The following IRAG1 variants were observed in gnomAD, a reference collection of about 807,000 sequenced individuals.
The protein encoded by IRAG1 is inositol 1,4,5-triphosphate receptor associated 1, also known as IP3R-associated cGMP kinase substrate.
IRAG1 carries 62 observed loss-of-function variants against 106.2 expected under a neutral mutation model. The observed-to-expected ratio is 0.58, with a 90% CI of 0.48 to 0.72. The LOEUF (loss-of-function observed/expected upper bound fraction) is 0.72. IRAG1 is among the 30% of genes least tolerant of loss of function. The pLI, the probability that IRAG1 is intolerant of heterozygous loss-of-function variation, is 0.00. For missense variants in IRAG1, 1,064 were observed against 1,140.7 expected (o/e 0.93, Z 0.97); for synonymous variants, 462 against 443.9 (o/e 1.04, Z -0.51).
intron 2 of IRAG1, among the ~76,000 whole-genome samples, 178 bp from the exon 3 acceptor site, chr11:10,634,249 T>C (rs1329793570): frequency 1.3e-5 from 2 of 152,220 alleles, no homozygotes; most frequent in Admixed American, 6.5e-5. Context: ...ATAAACATTG[T>C]ATATATTCAA....
chr11:10,656,852 G>A (rs569145280), intron 1 of IRAG1, among the ~76,000 whole-genome samples: 5 of 152,058 alleles, frequency 3.3e-5, no homozygotes, highest in Non-Finnish European at 7.4e-5. Flanking sequence ...CTTGAGTGTG[G>A]CAGAAAAGAC....
intron 2 of IRAG1, among the ~76,000 whole-genome samples, chr11:10,634,933 A>G (rs1857031160): frequency 6.6e-6 from 1 of 152,206 alleles, no homozygotes; most frequent in African/African-American, 2.4e-5. Context: ...CAAAAAAGGC[A>G]GTTTCTCCTT....
chr11:10,573,122 T>G lies in IRAG1; in HGVS notation c.*3210A>C, dbSNP rs1320130941. 1 of 152,208 alleles carries G rather than the reference T, an allele frequency of 6.6e-6. No homozygotes were observed. Among genetic ancestry groups the G allele is most frequent in the Non-Finnish European group, 1.5e-5 (1 of 68,038 alleles). 9.4% of individuals were successfully genotyped at this position (152,208 alleles called of 1,614,324 possible). A position where few individuals can be genotyped will look rare whatever the true frequency, so the allele number is the denominator to read the frequency against. On this transcript the variant is annotated 3_prime_UTR_variant, in exon 21 of 21. Coordinates refer to ENST00000423302, the MANE Select transcript of IRAG1 (RefSeq NM_130385.4). Reference sequence around the variant, plus strand: ...TGGAAATGTGCTTTTATTTTCAAACTCAGGTATGTGACACTCTACAGTTCA... The same window carrying G: ...TGGAAATGTGCTTTTATTTTCAAACGCAGGTATGTGACACTCTACAGTTCA...
intron 1 of IRAG1, among the ~76,000 whole-genome samples, chr11:10,677,557 G>T (rs992317002): frequency 6.7e-6 from 1 of 148,554 alleles, no homozygotes. Context: ...GGAGAGGGGT[G>T]CCTAAACTTT....
At chr11:10,687,876 TGGG>T in intron 1 of IRAG1, 13 of 963,830 alleles carry the variant, frequency 1.3e-5, no homozygotes, top group Non-Finnish European at 1.8e-5. Flanking sequence ...TGCTTTTTTT[TGGG>T]GGGGGGTGGT....
rs1229829165 is a variant in IRAG1 at position 10,647,218 on chromosome 11, C to T, written c.225+4807G>A. 2.6e-5 allele frequency among the ~76,000 whole-genome samples: 4 copies of T among 152,166 alleles called. No homozygotes were observed. In the South Asian group the frequency reaches 8.3e-4, roughly 31 times the overall value. ...GTGCTCAGTGCGGGTATGGACTAAG[C>T]ATGGGCTTTGGGGTCAGGCTGCCTG... On this transcript the variant is annotated intron_variant, in intron 2 of 20. Transcript: ENST00000423302. This position sits in a 1 kb window ranked among gnomAD's most constrained non-coding sequence, Gnocchi z 4.3.
intron 9 of IRAG1, among the ~76,000 whole-genome samples, chr11:10,625,355 C>T (rs1417327495): frequency 6.6e-6 from 1 of 152,102 alleles, no homozygotes; most frequent in Non-Finnish European, 1.5e-5. Flanking sequence ...TCTCTGGATG[C>T]CCCCAATCAT....
chr11:10,627,167 G>T (rs1411181893), intron 8 of IRAG1, among the ~76,000 whole-genome samples: 1 of 152,154 alleles, frequency 6.6e-6, no homozygotes, highest in African/African-American at 2.4e-5. Context: ...CAGCACGTGG[G>T]TCTGGGGGTC....
chr11:10,632,550 T>C (rs886484550), intron 3 of IRAG1, among the ~76,000 whole-genome samples: 1 of 152,206 alleles, frequency 6.6e-6, no homozygotes, highest in Non-Finnish European at 1.5e-5. Flanking sequence ...CGAGGGTTTC[T>C]CTGACTCTCA....
chr11:10,575,990 C>T lies in IRAG1; in HGVS notation c.*342G>A, dbSNP rs554502344. 9.6e-4 allele frequency: 276 copies of T among 286,976 alleles called. No individual in the cohort carries two copies. Among genetic ancestry groups the T allele is most frequent in the African/African-American group, 5.3e-3 (254 of 47,586 alleles). The allele number at this position is 286,976 out of a possible 1,614,324, so 17.8% of individuals were successfully genotyped here. On this transcript the variant is annotated 3_prime_UTR_variant, in exon 21 of 21. Transcript: ENST00000423302. Reference sequence around the variant, plus strand: ...TACTGCCCCCTACCTCCTCCTCCCCCGTGCCCCGCTCCTTACCCCCAACCA... The same window carrying T: ...TACTGCCCCCTACCTCCTCCTCCCCTGTGCCCCGCTCCTTACCCCCAACCA...
chr11:10,628,651 G>A lies in IRAG1; in HGVS notation c.652+100C>T. The A allele has an allele frequency of 9.7e-7, 1 of 1,027,164 alleles. No individual in the cohort carries two copies. The highest frequency in any genetic ancestry group is 2.9e-5 in the East Asian group (1 of 34,200). The allele number at this position is 1,027,164 out of a possible 1,614,324, so 63.6% of individuals were successfully genotyped here. On this transcript the variant is annotated intron_variant, in intron 6 of 20. Coordinates refer to ENST00000423302, the MANE Select transcript of IRAG1 (RefSeq NM_130385.4). This position sits in a 1 kb window ranked among gnomAD's most constrained non-coding sequence, Gnocchi z 4.1. Reference sequence around the variant, plus strand: ...TGAAGGGGCCATCAGAGTTCTTGAAGGGGAAGCCTGCAGGCTGGGAGGCAT... The same window carrying A: ...TGAAGGGGCCATCAGAGTTCTTGAAAGGGAAGCCTGCAGGCTGGGAGGCAT...
chr11:10,667,112 A>T (rs568674452), intron 1 of IRAG1, among the ~76,000 whole-genome samples: 1 of 151,714 alleles, frequency 6.6e-6, no homozygotes, highest in South Asian at 2.1e-4. Context: ...ATGACAACAT[A>T]TGTTTATAGA....
intron 1 of IRAG1, among the ~76,000 whole-genome samples, chr11:10,679,629 C>G (rs1214609173): frequency 1.3e-5 from 2 of 152,202 alleles, no homozygotes; most frequent in Admixed American, 6.5e-5. Flanking sequence ...TCACTGAGAG[C>G]TTTCCTTAGC....
intron 1 of IRAG1, among the ~76,000 whole-genome samples, chr11:10,669,537 G>A (rs1196079872): frequency 6.6e-6 from 1 of 152,178 alleles, no homozygotes; most frequent in East Asian, 1.9e-4. Flanking sequence ...GCTTAAGGAA[G>A]ATACTTTAGC....
chr11:10,603,776 C>T (rs559049793), intron 13 of IRAG1, among the ~76,000 whole-genome samples: 2 of 152,146 alleles, frequency 1.3e-5, no homozygotes, highest in Admixed American at 6.5e-5. Flanking sequence ...AATTAGTGCT[C>T]TTATAAAAGG....
chr11:10,606,524 C>T (rs1049089942), intron 12 of IRAG1, among the ~76,000 whole-genome samples: 1 of 152,202 alleles, frequency 6.6e-6, no homozygotes, highest in African/African-American at 2.4e-5. Context: ...ACTACCTTCT[C>T]CCTTTTGCCC....
At chr11:10,602,277 C>T (rs1191830470) in intron 14 of IRAG1, among the ~76,000 whole-genome samples, 2 of 152,226 alleles carry the variant, frequency 1.3e-5, no homozygotes, top group South Asian at 2.1e-4. Context: ...TCTCATGTAA[C>T]CAGAGCAGCA....
At chr11:10,680,161 T>G (rs1316894032) in intron 1 of IRAG1, among the ~76,000 whole-genome samples, 1 of 151,404 alleles carries the variant, frequency 6.6e-6, no homozygotes, top group Non-Finnish European at 1.5e-5. Flanking sequence ...TAATCCCAGC[T>G]ACTTGGGAGG....
chr11:10,604,791 TAAG>T (rs562951943), intron 12 of IRAG1, among the ~76,000 whole-genome samples: 6 of 152,164 alleles, frequency 3.9e-5, no homozygotes, highest in East Asian at 1.9e-4. Context: ...TACCAAAAAA[TAAG>T]AAGAGAATAA....
Sources: gnomAD v4.1 joint callset for allele counts (sites outside exome capture counted in the v4.1 genomes callset) on GRCh38, gnomAD v4.1.1 for gene constraint, Gnocchi (gnomAD v3.1) non-coding constraint, MANE v1.5 for transcripts, NCBI Gene and HGNC (gene_info 2026-07-23, HGNC 2026-07-21) for gene names.